CSMD1: variants seen among roughly 807,000 people sequenced by gnomAD.
CSMD1 encodes CUB and Sushi multiple domains 1.
Under a neutral mutation model 417.5 loss-of-function variants are expected in CSMD1, and 213 were observed. The observed-to-expected ratio is 0.51, with a 90% CI of 0.46 to 0.57. CSMD1 has a LOEUF of 0.57. Among genes scored for constraint, CSMD1 ranks in the 20% least tolerant of loss-of-function variants. CSMD1 has a pLI of 0.00. For missense variants in CSMD1, 6,923 were observed against 4,529.7 expected, an observed-to-expected ratio of 1.53 and a Z score of -15.17; for synonymous variants, 2,862 against 1,736.8, an observed-to-expected ratio of 1.65 and a Z score of -16.11.
At chr8:4,170,827 T>G (rs376237005) in intron 3 of CSMD1, among the ~76,000 whole-genome samples, 3 of 152,028 alleles carry the variant, frequency 2.0e-5, no homozygotes, top group African/African-American at 7.3e-5. Flanking sequence ...TGATCTTCTC[T>G]CATTTATAAC....
intron 5 of CSMD1, among the ~76,000 whole-genome samples, chr8:3,930,552 A>G (rs1036679574): frequency 6.0e-5 from 9 of 150,208 alleles, no homozygotes; most frequent in Admixed American, 2.0e-4. Context: ...TTGCTAGCCA[A>G]TCGGGACAAA....
At chr8:3,794,791 G>A (rs1799949481) in intron 5 of CSMD1, among the ~76,000 whole-genome samples, 1 of 151,896 alleles carries the variant, frequency 6.6e-6, no homozygotes, top group Non-Finnish European at 1.5e-5. Flanking sequence ...TCTCTAAAGT[G>A]ACAACCAACT....
Position 4,878,411 on chromosome 8 carries a change from T to C in CSMD1, c.85+115921A>G, listed in dbSNP as rs1803182949. Among the ~76,000 whole-genome samples the C allele has an allele frequency of 8.5e-5, 13 of 152,142 alleles. No homozygotes were observed. In the South Asian group the frequency reaches 2.5e-3, roughly 29 times the overall value. ...AATATAGCTTTCATTTTGTAGAAAGTATTAGTAATATATGATTAAAAATGT... is the reference window on the plus strand; with the variant it reads ...AATATAGCTTTCATTTTGTAGAAAGCATTAGTAATATATGATTAAAAATGT... On this transcript the variant is annotated intron_variant, in intron 1 of 69. Transcript: ENST00000635120.
At chr8:3,963,158 C>T (rs1265466241) in intron 5 of CSMD1, among the ~76,000 whole-genome samples, 1 of 152,118 alleles carries the variant, frequency 6.6e-6, no homozygotes, top group African/African-American at 2.4e-5. Flanking sequence ...ACTCAAACTC[C>T]TGACCTCCAG....
In CSMD1 at chr8:4,644,451, G is replaced by C. The variant is rs1012111819; in HGVS notation, c.86-6893C>G. 2.8e-4 allele frequency among the ~76,000 whole-genome samples: 42 copies of C among 152,228 alleles called. 1 individual carries two copies. Among genetic ancestry groups the C allele is most frequent in the Admixed American group, 2.0e-3 (30 of 15,296 alleles). On this transcript the variant is annotated intron_variant, in intron 1 of 69. Transcript: ENST00000635120. ...GAGACAGAGTCTCTCTCTGTCACCA[G>C]GCTAGAGTGCAGCGGCGCTATCTTA...
chr8:4,101,250 G>A (rs1053254005), intron 3 of CSMD1, among the ~76,000 whole-genome samples: 3 of 152,136 alleles, frequency 2.0e-5, no homozygotes, highest in South Asian at 2.1e-4. Context: ...TCTCCCCTGA[G>A]GTTAACTCAT....
At chr8:4,466,104 TC>T (rs1800150518) in intron 2 of CSMD1, among the ~76,000 whole-genome samples, 1 of 152,134 alleles carries the variant, frequency 6.6e-6, no homozygotes, top group East Asian at 1.9e-4. Flanking sequence ...TGACACCAGC[TC>T]TCGAGTAAAT....
Position 3,666,425 on chromosome 8 carries a change from T to G in CSMD1, c.1009+41989A>C, listed in dbSNP as rs887721017. 2.6e-5 allele frequency among the ~76,000 whole-genome samples: 4 copies of G among 152,212 alleles called. No homozygotes were observed. The East Asian group carries it at 7.7e-4, about 29-fold the overall frequency. On this transcript the variant is annotated intron_variant, in intron 7 of 69. Coordinates refer to ENST00000635120, the MANE Select transcript of CSMD1 (RefSeq NM_033225.6). Reference sequence around the variant, plus strand: ...GAAAATATCTGATTTTAATGTATACTTGCTAAAATAATTAAGACAGAAATA... The same window carrying G: ...GAAAATATCTGATTTTAATGTATACGTGCTAAAATAATTAAGACAGAAATA...
chr8:3,091,603 T>G lies in CSMD1; in HGVS notation c.7198A>C (p.Asn2400His), dbSNP rs1464134273. ...VLSGNHTEQSNFTSRSNQLYL... is the reference protein window; with the variant it reads ...VLSGNHTEQSHFTSRSNQLYL... ...AACTGATTACTCCTGCTTGTAAAAT[T>G]TGATTGTTCAGTATGATTCCCACTT... Residue 2400 changes from asparagine to histidine, a missense_variant, in exon 48 of 70, where the codon AAT (asparagine) becomes CAT (histidine). Coordinates refer to ENST00000635120, the MANE Select transcript of CSMD1 (RefSeq NM_033225.6). 2.5e-6 allele frequency: 4 copies of G among 1,611,572 alleles called. No individual in the cohort carries two copies. In the East Asian group the frequency reaches 8.9e-5, roughly 36 times the overall value.
intron 3 of CSMD1, among the ~76,000 whole-genome samples, chr8:4,399,624 A>G (rs1804511885): frequency 6.6e-6 from 1 of 152,086 alleles, no homozygotes; most frequent in South Asian, 2.1e-4. Context: ...ACACCATCCT[A>G]GATGTCAACA....
At chr8:4,400,726 T>C (rs1421392379) in intron 3 of CSMD1, among the ~76,000 whole-genome samples, 1 of 151,532 alleles carries the variant, frequency 6.6e-6, no homozygotes, top group Admixed American at 6.6e-5. Flanking sequence ...ACTTTGTTTC[T>C]AAGAGTTTCT....
intron 3 of CSMD1, among the ~76,000 whole-genome samples, chr8:4,204,238 T>C (rs935494997): frequency 5.9e-5 from 9 of 152,108 alleles, no homozygotes; most frequent in Non-Finnish European, 1.0e-4. Context: ...TCCTCTTTTT[T>C]CTAATACCCA....
At chr8:3,872,776 C>T (rs577125475) in intron 5 of CSMD1, among the ~76,000 whole-genome samples, 2 of 151,742 alleles carry the variant, frequency 1.3e-5, no homozygotes, top group African/African-American at 4.8e-5. Context: ...AACTACCCAT[C>T]CGACAAAGAT....
intron 22 of CSMD1, among the ~76,000 whole-genome samples, chr8:3,345,535 G>T (rs571607633): frequency 6.6e-6 from 1 of 152,130 alleles, no homozygotes; most frequent in Non-Finnish European, 1.5e-5. Context: ...CTTGATTTCT[G>T]ATTCCAATTG....
chr8:3,766,066 G>C (rs553868232), intron 5 of CSMD1, among the ~76,000 whole-genome samples: 3 of 152,320 alleles, frequency 2.0e-5, no homozygotes, highest in South Asian at 2.1e-4. Flanking sequence ...GAATTGCTCA[G>C]AACTCAAGCC....
intron 1 of CSMD1, among the ~76,000 whole-genome samples, chr8:4,965,739 G>C (rs1305144263): frequency 6.6e-6 from 1 of 152,124 alleles, no homozygotes; most frequent in Non-Finnish European, 1.5e-5. Context: ...TTTTTAGAGT[G>C]AAATACTAAT....
intron 7 of CSMD1, among the ~76,000 whole-genome samples, chr8:3,651,541 A>G (rs1797857904): frequency 6.6e-6 from 1 of 152,062 alleles, no homozygotes; most frequent in South Asian, 2.1e-4. Context: ...CTCCAATGTC[A>G]TGGTATTAAT....
At chr8:3,242,497 G>T (rs1349725465) in intron 26 of CSMD1, among the ~76,000 whole-genome samples, 1 of 152,084 alleles carries the variant, frequency 6.6e-6, no homozygotes, top group African/African-American at 2.4e-5. Context: ...TCTATGCCAA[G>T]AATTATTTAG....
chr8:2,950,080 G>C, intron 67 of CSMD1, 151 bp downstream of exon 67: 2 of 582,554 alleles, frequency 3.4e-6, no homozygotes, highest in East Asian at 5.4e-5. Context: ...GAATAAAATG[G>C]CCACTCTGTC....
Sources: gnomAD v4.1 joint callset for allele counts (sites outside exome capture counted in the v4.1 genomes callset) on GRCh38, gnomAD v4.1.1 for gene constraint, MANE v1.5 for transcripts, NCBI Gene and HGNC (gene_info 2026-07-23, HGNC 2026-07-21) for gene names.